Variants in GALNT17 observed in about 807,000 individuals in gnomAD.
GALNT17 encodes the protein polypeptide N-acetylgalactosaminyltransferase 17.
A neutral mutation model predicts 63.7 loss-of-function variants in GALNT17; 29 were observed. The observed-to-expected ratio is 0.46, with a 90% confidence interval of 0.34 to 0.62. The LOEUF (loss-of-function observed/expected upper bound fraction) is 0.62. Among genes scored for constraint, GALNT17 ranks in the 20% least tolerant of loss-of-function variants. The pLI is 0.01. For missense variants in GALNT17, 603 were observed against 799.6 expected, an observed-to-expected ratio of 0.75 and a Z score of 2.97; for synonymous variants, 305 against 318.3, an observed-to-expected ratio of 0.96 and a Z score of 0.45.
At chr7:71,321,850 TTTCCTTCCTTCCTTCCTTTCC>T (rs1791611654) in intron 1 of GALNT17, among the ~76,000 whole-genome samples, 1 of 130,652 alleles carries the variant, frequency 7.7e-6, no homozygotes, top group Non-Finnish European at 1.6e-5. Flanking sequence ...CCTTCCTTCC[TTTCCTTCCTTCCTTCCTTTCC>T]TTCCTTCCTT....
chr7:71,261,043 A>C (rs1177235567), intron 1 of GALNT17, among the ~76,000 whole-genome samples: 1 of 152,166 alleles, frequency 6.6e-6, no homozygotes, highest in Non-Finnish European at 1.5e-5. Context: ...CAGTGCAGGG[A>C]TTCCCCTATG....
At chr7:71,323,615 G>A (rs745331178) in intron 1 of GALNT17, among the ~76,000 whole-genome samples, 4 of 152,142 alleles carry the variant, frequency 2.6e-5, no homozygotes, top group Non-Finnish European at 2.9e-5. Flanking sequence ...CAAGATCATC[G>A]TACTGATATA....
intron 8 of GALNT17, among the ~76,000 whole-genome samples, chr7:71,672,998 GTT>G (rs5884853): frequency 2.1e-4 from 32 of 151,806 alleles, no homozygotes; most frequent in Middle Eastern, 3.4e-3. Context: ...ACACAGAGGT[GTT>G]TTTTTTTCCC....
intron 2 of GALNT17, among the ~76,000 whole-genome samples, chr7:71,347,759 C>T (rs578093691): frequency 1.9e-4 from 29 of 152,180 alleles, no homozygotes; most frequent in African/African-American, 6.5e-4. Context: ...GTGGATTCCC[C>T]ACAGCCAACA....
At chr7:71,168,801 A>G (rs1788493984) in intron 1 of GALNT17, among the ~76,000 whole-genome samples, 1 of 151,944 alleles carries the variant, frequency 6.6e-6, no homozygotes, top group Admixed American at 6.6e-5. Flanking sequence ...ACTTTTTTAA[A>G]AAGTTGTTTT....
intron 9 of GALNT17, among the ~76,000 whole-genome samples, chr7:71,677,771 TC>T (rs1791175885): frequency 6.6e-6 from 1 of 152,068 alleles, no homozygotes; most frequent in African/African-American, 2.4e-5. Flanking sequence ...CGCCTCGGCC[TC>T]CCAAAGTGCT....
At chr7:71,678,079 C>T (rs1562732848) in intron 9 of GALNT17, among the ~76,000 whole-genome samples, 3 of 152,112 alleles carry the variant, frequency 2.0e-5, no homozygotes, top group Admixed American at 6.6e-5. Context: ...ACCTAGAACC[C>T]AGGCTTTCCA....
chr7:71,361,585 C>T (rs1190370482), intron 2 of GALNT17, among the ~76,000 whole-genome samples: 3 of 151,934 alleles, frequency 2.0e-5, no homozygotes, highest in Non-Finnish European at 2.9e-5. Flanking sequence ...CCCCTGGCTA[C>T]GAGGAGTTTT....
intron 1 of GALNT17, among the ~76,000 whole-genome samples, chr7:71,175,076 ATATC>A (rs200271919): frequency 1.8e-4 from 28 of 152,278 alleles, no homozygotes; most frequent in South Asian, 6.2e-4. Flanking sequence ...TATTCTATCT[ATATC>A]TATCTATCTA....
At chr7:71,562,579 G>T (rs1442980123) in intron 5 of GALNT17, among the ~76,000 whole-genome samples, 3 of 152,120 alleles carry the variant, frequency 2.0e-5, no homozygotes, top group Non-Finnish European at 4.4e-5. Context: ...TCACAACAGG[G>T]TGTGCACACC....
intron 1 of GALNT17, among the ~76,000 whole-genome samples, chr7:71,147,304 A>G (rs1404349581): frequency 6.6e-6 from 1 of 152,172 alleles, no homozygotes; most frequent in Admixed American, 6.5e-5. Context: ...CAAGTCCCCA[A>G]ACTGAAGAAC....
intron 1 of GALNT17, among the ~76,000 whole-genome samples, chr7:71,251,318 A>G (rs1276159674): frequency 2.0e-5 from 3 of 152,150 alleles, no homozygotes; most frequent in Non-Finnish European, 4.4e-5. Context: ...CTATTTCTGT[A>G]TGGTTCATTT....
chr7:71,552,359 T>C (rs943157213), intron 5 of GALNT17, among the ~76,000 whole-genome samples: 2 of 151,814 alleles, frequency 1.3e-5, no homozygotes, highest in African/African-American at 4.8e-5. Flanking sequence ...GCACTTGTTA[T>C]ATGCTAGGAA....
chr7:71,539,128 C>T (rs529680235), intron 5 of GALNT17, among the ~76,000 whole-genome samples: 1 of 152,222 alleles, frequency 6.6e-6, no homozygotes, highest in African/African-American at 2.4e-5. Flanking sequence ...GACAAAGTTT[C>T]ACCATGTTGG....
At chr7:71,272,365 G>A (rs11769358) in intron 1 of GALNT17, among the ~76,000 whole-genome samples, 76,612 of 152,054 alleles carry the variant, frequency 0.5, 19,758 homozygotes, top group Non-Finnish European at 0.54. Flanking sequence ...CAGGTATCAT[G>A]TGGTGAGCGT....
intron 5 of GALNT17, among the ~76,000 whole-genome samples, chr7:71,490,341 G>A (rs1040831538): frequency 2.6e-5 from 4 of 151,850 alleles, no homozygotes; most frequent in South Asian, 2.1e-4. Flanking sequence ...TCTTCACCCC[G>A]GCTCTGAACA....
rs1793214031 is a variant in GALNT17, at chr7:71,400,145, C to T, written c.589+11744C>T. On this transcript the variant is annotated intron_variant, in intron 3 of 10. Coordinates refer to ENST00000333538, the MANE Select transcript of GALNT17 (RefSeq NM_022479.3). ...AGGTATTTCTCCTAATGCTCTCCCT[C>T]CCCTTGTCCCCCACCCCCTGACAGG... is the stretch of plus-strand genomic sequence containing the variant. Among the ~76,000 whole-genome samples the T allele has an allele frequency of 2.6e-5, 4 of 152,002 alleles. No homozygotes were observed. The South Asian group carries it at 6.2e-4, about 24-fold the overall frequency.
At chr7:71,658,731 TACA>T (rs1050265167) in intron 6 of GALNT17, among the ~76,000 whole-genome samples, 3 of 151,924 alleles carry the variant, frequency 2.0e-5, no homozygotes, top group African/African-American at 4.8e-5. Context: ...CTACTAAAAA[TACA>T]ACAATTAGCC....
At chr7:71,140,882 A>G (rs1046396462) in intron 1 of GALNT17, among the ~76,000 whole-genome samples, 6 of 152,030 alleles carry the variant, frequency 3.9e-5, no homozygotes, top group Admixed American at 6.6e-5. Flanking sequence ...TTAGCCAGAC[A>G]TTGTGGTGCA....
Sources: allele counts gnomAD v4.1 joint callset (sites outside exome capture counted in the v4.1 genomes callset), GRCh38; gene constraint gnomAD v4.1.1; transcripts MANE v1.5; gene names NCBI Gene and HGNC (gene_info 2026-07-23, HGNC 2026-07-21).